The following DENND3 variants were observed in gnomAD, a reference collection of about 807,000 sequenced individuals.
The protein encoded by DENND3 is DENN domain containing 3.
DENND3 carries 88 observed loss-of-function variants against 135.1 expected under a neutral mutation model. The ratio of observed to expected loss-of-function variants is 0.65; its 90% CI spans 0.55 to 0.78. The LOEUF (loss-of-function observed/expected upper bound fraction) is 0.78, where lower values mean the gene tolerates loss of function less well. DENND3 is among the 30% of genes least tolerant of loss of function. DENND3 has a pLI of 0.00. For missense variants in DENND3, 1,392 were observed against 1,688.4 expected (o/e 0.82, Z 3.08); for synonymous variants, 693 against 712.3 (o/e 0.97, Z 0.43).
chr8:141,189,071 C>T lies in DENND3; in HGVS notation c.3170C>T (p.Ser1057Phe), dbSNP rs775161820. The T allele has an allele frequency of 5.6e-6, 9 of 1,614,222 alleles. No individual in the cohort carries two copies. The highest frequency in any genetic ancestry group is 7.6e-6 in the Non-Finnish European group (9 of 1,180,040). ...TACATCATCAACGTCCACAGCATGT[C>T]CTGCAACAAGCAGCTCACAGCCCAC... is the stretch of plus-strand genomic sequence containing the variant. ...VIYIINVHSM[S>F]CNKQLTAHCS... Residue 1057 changes from serine to phenylalanine, a missense_variant, in exon 19 of 23, where the codon TCC becomes TTC. Ser to Phe is a radical substitution (Grantham distance 155). Transcript: ENST00000519811.
intron 9 of DENND3, among the ~76,000 whole-genome samples, chr8:141,162,444 CAGAAA>C (rs1169963534): frequency 5.3e-5 from 8 of 151,938 alleles, no homozygotes; most frequent in African/African-American, 1.9e-4. Context: ...AAAAAAGAGG[CAGAAA>C]ATATGATTAC....
chr8:141,157,539 G>A, intron 8 of DENND3: 1 of 985,904 alleles, frequency 1.0e-6, no homozygotes, highest in Non-Finnish European at 1.2e-6. Context: ...CAGCCGGGCT[G>A]TACTTGCTTC....
In DENND3 at chr8:141,138,465, A is replaced by C. The variant is rs566951752; in HGVS notation, c.501+328A>C. Among the ~76,000 whole-genome samples, 60 of 152,002 alleles carry C rather than the reference A, an allele frequency of 3.9e-4. No individual in the cohort carries two copies. The highest frequency in any genetic ancestry group is 1.4e-3 in the African/African-American group (56 of 41,472). ...CAGTGGCACCATCTCAGCTCACTGC[A>C]ACCTCCTTCTCCTGGGTTCAAGTGG... On this transcript the variant is annotated intron_variant, in intron 3 of 22. Coordinates refer to ENST00000519811, the MANE Select transcript of DENND3 (RefSeq NM_001352890.3). The surrounding 1 kb of genome is among the most constrained non-coding windows in gnomAD (Gnocchi z 4.8).
At chr8:141,173,565 G>GT (rs528482022) in intron 13 of DENND3, 8 of 152,316 alleles carry the variant, frequency 5.3e-5, no homozygotes, top group African/African-American at 1.9e-4. Flanking sequence ...AGTTGCTGCC[G>GT]TGACGACTCA....
chr8:141,194,469 G>A lies in DENND3; in HGVS notation c.*236G>A, dbSNP rs909673711. 7.3e-6 allele frequency: 4 copies of A among 550,646 alleles called. No homozygotes were observed. The highest frequency in any genetic ancestry group is 1.3e-5 in the Non-Finnish European group (4 of 307,248). 34.1% of individuals were successfully genotyped at this position (550,646 alleles called of 1,614,324 possible). On this transcript the variant is annotated 3_prime_UTR_variant, in exon 23 of 23. Coordinates refer to ENST00000519811, the MANE Select transcript of DENND3 (RefSeq NM_001352890.3). ...TGTTTCCTGTTGGGGTGTGTCTCAG[G>A]CAGGCAGCTGCGTCTTGTTGGTGAT...
In DENND3 at chr8:141,141,131, G is replaced by T; in HGVS notation, c.502-72G>T. 6.2e-7 allele frequency: 1 copy of T among 1,609,144 alleles called. No homozygotes were observed. The highest frequency in any genetic ancestry group is 1.1e-5 in the South Asian group (1 of 90,798). ...CTCAGCTTGCTGTGTGCTGAAACGT[G>T]ACCCAGTTGGAAACAGATACTGGAA... On this transcript the variant is annotated intron_variant, in intron 3 of 22. Transcript: ENST00000519811. The surrounding 1 kb of genome is among the most constrained non-coding windows in gnomAD (Gnocchi z 5.3).
chr8:141,163,835 G>A (rs1363754659), intron 10 of DENND3, among the ~76,000 whole-genome samples: 1 of 151,562 alleles, frequency 6.6e-6, no homozygotes, highest in Non-Finnish European at 1.5e-5. Flanking sequence ...TTGAACCCAG[G>A]GGGTGGAGGT....
At chr8:141,156,601 G>C (rs915280060) in intron 8 of DENND3, among the ~76,000 whole-genome samples, 7 of 152,034 alleles carry the variant, frequency 4.6e-5, no homozygotes, top group South Asian at 4.1e-4. Flanking sequence ...CACTAGATGT[G>C]TATTGCATAC....
chr8:141,145,845 A>ATTTTTTTTTTTTTT (rs1818044218), intron 5 of DENND3, among the ~76,000 whole-genome samples: 1 of 41,896 alleles, frequency 2.4e-5, no homozygotes, highest in African/African-American at 1.6e-4. Context: ...ATATATATAT[A>ATTTTTTTTTTTTTT]TATATGTATT....
At position 141,194,323 on chromosome 8, in the gene DENND3, T is replaced by TGGCAG. The variant is rs937688346; in HGVS notation, c.*96_*100dup. 1.8e-5 allele frequency: 27 copies of TGGCAG among 1,480,246 alleles called. No individual in the cohort carries two copies. In the East Asian group the frequency reaches 6.3e-4, roughly 35 times the overall value. 91.7% of individuals were successfully genotyped at this position (1,480,246 alleles called of 1,614,324 possible). A position where few individuals can be genotyped will look rare whatever the true frequency, so the allele number is the denominator to read the frequency against. On this transcript the variant is annotated 3_prime_UTR_variant, in exon 23 of 23. Transcript: ENST00000519811. ...TGCCAGGAGCAGAAGCCTGGAGGGGTGGCAGGGCAGAGCAGCCCAGGCTCA... is the reference window on the plus strand; with the variant it reads ...TGCCAGGAGCAGAAGCCTGGAGGGGTGGCAGGGCAGGGCAGAGCAGCCCAGGCTCA...
chr8:141,143,275 ATTT>A (rs922067683), intron 4 of DENND3, among the ~76,000 whole-genome samples: 1 of 151,866 alleles, frequency 6.6e-6, no homozygotes, highest in East Asian at 1.9e-4. Flanking sequence ...TTTTTTTTAA[ATTT>A]TTTTTTATTA....
intron 19 of DENND3, among the ~76,000 whole-genome samples, chr8:141,189,427 A>G (rs115812323): frequency 0.027 from 4,181 of 152,326 alleles, 194 homozygotes; most frequent in African/African-American, 0.095. Flanking sequence ...GGCAGCCCCG[A>G]GAGGGCACAG....
At chr8:141,190,999 C>T (rs552601192) in intron 20 of DENND3, among the ~76,000 whole-genome samples, 11 of 152,364 alleles carry the variant, frequency 7.2e-5, no homozygotes, top group African/African-American at 2.6e-4. Flanking sequence ...TCGGCATGTG[C>T]CAGATTACAT....
intron 1 of DENND3, among the ~76,000 whole-genome samples, chr8:141,134,086 G>A (rs143960636): frequency 1.2e-4 from 18 of 152,198 alleles, no homozygotes; most frequent in Non-Finnish European, 2.2e-4. Context: ...GCGAGATCAA[G>A]ACAGTTCCAG....
chr8:141,157,128 ATC>A (rs2154613014), intron 8 of DENND3, among the ~76,000 whole-genome samples: 1 of 152,020 alleles, frequency 6.6e-6, no homozygotes, highest in East Asian at 1.9e-4. Flanking sequence ...GTTTTCTTTC[ATC>A]TCTGTTACTC....
rs893675852 is a variant in DENND3, at chr8:141,177,027, T to C, written c.2706+266T>C. The C allele has an allele frequency of 7.1e-5, 31 of 433,756 alleles. 1 individual carries two copies. The South Asian group carries it at 9.7e-4, about 14-fold the overall frequency. The allele number at this position is 433,756 out of a possible 1,614,324, so 26.9% of individuals were successfully genotyped here. Reference sequence around the variant, plus strand: ...CAGGTGTGGGTGCCCCACTGCCCGCTCCAGACTGGCGACATCCCAGAGAGT... The same window carrying C: ...CAGGTGTGGGTGCCCCACTGCCCGCCCCAGACTGGCGACATCCCAGAGAGT... On this transcript the variant is annotated intron_variant, in intron 15 of 22. Transcript: ENST00000519811.
Position 141,130,953 on chromosome 8 carries a change from G to A in DENND3, c.102+2144G>A, listed in dbSNP as rs1816006860. Among the ~76,000 whole-genome samples, 1 of 152,052 alleles carries A rather than the reference G, an allele frequency of 6.6e-6. No individual in the cohort carries two copies. Among genetic ancestry groups the A allele is most frequent in the Admixed American group, 6.6e-5 (1 of 15,258 alleles). ...GCCCGCCTCGGCCTCCCAAAGTGTT[G>A]GGATTATAGGTGTGAGCCACCGCAC... On this transcript the variant is annotated intron_variant, in intron 1 of 22. Coordinates refer to ENST00000519811, the MANE Select transcript of DENND3 (RefSeq NM_001352890.3). This position sits in a 1 kb window ranked among gnomAD's most constrained non-coding sequence, Gnocchi z 4.2.
At chr8:141,135,768 A>G (rs1339253672) in intron 1 of DENND3, among the ~76,000 whole-genome samples, 4 of 152,256 alleles carry the variant, frequency 2.6e-5, no homozygotes, top group Non-Finnish European at 5.9e-5. Flanking sequence ...GAATGGGAAG[A>G]AAAAAGGCAA....
At chr8:141,163,493 A>G (rs1820393998) in intron 10 of DENND3, 64 bp downstream of exon 10, 2 of 1,139,164 alleles carry the variant, frequency 1.8e-6, no homozygotes, top group Non-Finnish European at 1.3e-6. Context: ...TCTGTATTTA[A>G]ATACTTTTCA....
Sources: allele counts gnomAD v4.1 joint callset (sites outside exome capture counted in the v4.1 genomes callset), GRCh38; gene constraint gnomAD v4.1.1; non-coding constraint Gnocchi (gnomAD v3.1); transcripts MANE v1.5; gene names NCBI Gene and HGNC (gene_info 2026-07-23, HGNC 2026-07-21).